RANBP2: variants seen among roughly 807,000 people sequenced by gnomAD.
RANBP2 encodes the protein E3 SUMO-protein ligase RanBP2.
Under a neutral mutation model 303.6 loss-of-function variants are expected in RANBP2, and 57 were observed. The observed-to-expected ratio is 0.19, with a 90% confidence interval of 0.15 to 0.23. RANBP2 has a LOEUF of 0.23. RANBP2 is among the 10% of genes least tolerant of loss of function. The probability of loss-of-function intolerance (pLI) is 1.00; values close to 1 mark genes in which losing one functional copy is unlikely to be tolerated. For synonymous variants in RANBP2, 1,167 were observed against 1,301.5 expected, an observed-to-expected ratio of 0.90 and a Z score of 2.23; for missense variants, 3,138 against 3,780.8, an observed-to-expected ratio of 0.83 and a Z score of 4.46.
At chr2:109,580,984 T>A in the RANBP2 span, among the ~76,000 whole-genome samples, 1 of 152,174 alleles carries the variant, frequency 6.6e-6, no homozygotes, top group East Asian at 1.9e-4. Flanking sequence ...CAGGAAGCAC[T>A]GCACATCTGG....
the RANBP2 span, among the ~76,000 whole-genome samples, chr2:109,366,027 T>C: frequency 1.3e-5 from 2 of 152,230 alleles, no homozygotes; most frequent in Non-Finnish European, 2.9e-5. Context: ...AATTCTGTTA[T>C]GAAACTATTA....
chr2:109,094,952 A>C, the RANBP2 span, among the ~76,000 whole-genome samples: 1 of 152,370 alleles, frequency 6.6e-6, no homozygotes, highest in South Asian at 2.1e-4. Context: ...GACTTTAGTA[A>C]TCTTTTAAAA....
the RANBP2 span, among the ~76,000 whole-genome samples, chr2:108,885,805 C>T: frequency 3.0e-4 from 45 of 152,218 alleles, no homozygotes; most frequent in Admixed American, 2.7e-3. Context: ...GTCTTTCCCT[C>T]TCTACCACTA....
chr2:109,628,500 T>TAATG, the RANBP2 span, among the ~76,000 whole-genome samples: 1 of 146,842 alleles, frequency 6.8e-6, no homozygotes, highest in Non-Finnish European at 1.5e-5. Flanking sequence ...TCTCAAAAAA[T>TAATG]AATAAATAAA....
At chr2:108,833,062 A>G in the RANBP2 span, among the ~76,000 whole-genome samples, 3 of 152,240 alleles carry the variant, frequency 2.0e-5, no homozygotes, top group Non-Finnish European at 2.9e-5. Context: ...GACATTTTGG[A>G]AAAAGCAAAA....
At chr2:109,501,761 G>C in the RANBP2 span, 1 of 658,782 alleles carries the variant, frequency 1.5e-6, no homozygotes, top group Non-Finnish European at 2.8e-6. Flanking sequence ...GCGCCCCAAG[G>C]GTTCCAGGTC....
the RANBP2 span, among the ~76,000 whole-genome samples, chr2:109,279,809 G>A: frequency 6.6e-6 from 1 of 152,200 alleles, no homozygotes; most frequent in South Asian, 2.1e-4. Context: ...GAAGAGGTCC[G>A]GGAGGATCTA....
the RANBP2 span, among the ~76,000 whole-genome samples, chr2:109,591,829 T>C: frequency 6.6e-6 from 1 of 151,210 alleles, no homozygotes; most frequent in African/African-American, 2.4e-5. Flanking sequence ...ACCTGGGAGG[T>C]GTAGGTTGAG....
the RANBP2 span, among the ~76,000 whole-genome samples, chr2:109,336,763 G>A: frequency 7.2e-5 from 11 of 152,284 alleles, 1 homozygote; most frequent in South Asian, 2.1e-3. Context: ...TTGGCAAAGC[G>A]TTTTGTAACT....
chr2:109,597,508 G>A, the RANBP2 span, among the ~76,000 whole-genome samples: 1 of 152,140 alleles, frequency 6.6e-6, no homozygotes, highest in Non-Finnish European at 1.5e-5. Context: ...ATGCACAATA[G>A]GTGACCACAA....
chr2:109,502,023 G>C, the RANBP2 span: 1 of 229,844 alleles, frequency 4.4e-6, no homozygotes, highest in East Asian at 9.1e-5. Context: ...CAGGGTTGGA[G>C]GTTGCAGGAG....
the RANBP2 span, among the ~76,000 whole-genome samples, chr2:108,873,075 GTTTT>G: frequency 2.0e-5 from 3 of 151,654 alleles, no homozygotes; most frequent in African/African-American, 7.3e-5. Flanking sequence ...TCTTTGATTT[GTTTT>G]TTGTTTTTTT....
chr2:109,137,752 C>G, the RANBP2 span, among the ~76,000 whole-genome samples: 8 of 152,350 alleles, frequency 5.3e-5, no homozygotes, highest in Admixed American at 5.2e-4. Flanking sequence ...ACCACCCGTC[C>G]TGATCAGCCG....
chr2:109,644,812 T>TCCC, the RANBP2 span, among the ~76,000 whole-genome samples: 1 of 151,896 alleles, frequency 6.6e-6, no homozygotes, highest in African/African-American at 2.4e-5. Context: ...CTGCCCTGCC[T>TCCC]CCCCCCGGCT....
the RANBP2 span, among the ~76,000 whole-genome samples, chr2:109,163,420 A>G: frequency 1.6e-5 from 1 of 60,898 alleles, no homozygotes; most frequent in Non-Finnish European, 2.6e-5. Flanking sequence ...TTTTTTTGAG[A>G]CGGAGTCTCG....
the RANBP2 span, chr2:109,574,875 T>A: frequency 1.4e-6 from 1 of 696,818 alleles, no homozygotes; most frequent in Non-Finnish European, 2.2e-6. Flanking sequence ...AATAAACAGT[T>A]AATATCTATG....
chr2:109,502,922 T>C, the RANBP2 span: 1 of 152,218 alleles, frequency 6.6e-6, no homozygotes, highest in Non-Finnish European at 1.5e-5. Flanking sequence ...TTTCAGGCAG[T>C]GCAAACCTTC....
the RANBP2 span, among the ~76,000 whole-genome samples, chr2:109,358,801 A>G: frequency 6.6e-6 from 1 of 152,254 alleles, no homozygotes; most frequent in Non-Finnish European, 1.5e-5. Flanking sequence ...AGTCTAACTT[A>G]TCAATTCTTT....
chr2:109,613,182 G>A, the RANBP2 span: 1 of 1,288,424 alleles, frequency 7.8e-7, no homozygotes, highest in East Asian at 5.6e-5. Context: ...AACCACACTT[G>A]GAAAACCGCT....
Sources: gnomAD v4.1 joint callset for allele counts (sites outside exome capture counted in the v4.1 genomes callset) on GRCh38, gnomAD v4.1.1 for gene constraint, MANE v1.5 for transcripts, NCBI Gene and HGNC (gene_info 2026-07-23, HGNC 2026-07-21) for gene names.